The following MICU1 variants were observed in gnomAD, a reference collection of about 807,000 sequenced individuals.
MICU1 encodes calcium uptake protein 1, mitochondrial.
MICU1 carries 45 observed loss-of-function variants against 56.8 expected under a neutral mutation model. That is an observed-to-expected ratio of 0.79 (90% CI 0.62 to 1.02). The LOEUF (loss-of-function observed/expected upper bound fraction) is 1.02, where lower values mean the gene tolerates loss of function less well. Ranked by LOEUF, MICU1 falls within the 50% of genes least tolerant of loss-of-function variation. The pLI, the probability that MICU1 is intolerant of heterozygous loss-of-function variation, is 0.00. For synonymous variants in MICU1, 186 were observed against 195.1 expected, an observed-to-expected ratio of 0.95 and a Z score of 0.39; for missense variants, 504 against 587.1, an observed-to-expected ratio of 0.86 and a Z score of 1.46.
intron 1 of MICU1, among the ~76,000 whole-genome samples, chr10:72,591,904 G>C (rs762695501): frequency 5.3e-5 from 8 of 151,836 alleles, no homozygotes; most frequent in South Asian, 2.1e-4. Flanking sequence ...TCAGCTACTC[G>C]AGAGGCTGAG....
In MICU1 at chr10:72,368,333, CT is replaced by C; in HGVS notation, c.1292del (p.Lys431ArgfsTer7). On this transcript the variant is annotated frameshift_variant, in exon 12 of 12. Transcript: ENST00000361114. LOFTEE classifies it high-confidence loss of function. ...DCDGNGELSNKEFVSIMKQRL... is the reference protein window; with the variant it reads ...DCDGNGELSNXEFVSIMKQRL... Reference sequence around the variant, plus strand: ...GTTGCTTCATGATGGAAACAAATTCCTTATTGCTCAGTTCGCCATTGCCTAG... The same window carrying C: ...GTTGCTTCATGATGGAAACAAATTCCTATTGCTCAGTTCGCCATTGCCTAG... 1 of 1,613,906 alleles carries C rather than the reference CT, an allele frequency of 6.2e-7. No individual in the cohort carries two copies. Among genetic ancestry groups the C allele is most frequent in the Non-Finnish European group, 8.5e-7 (1 of 1,179,808 alleles).
chr10:72,592,783 C>CTTTT (rs1264231748), intron 1 of MICU1, among the ~76,000 whole-genome samples: 1 of 137,652 alleles, frequency 7.3e-6, no homozygotes, highest in Non-Finnish European at 1.6e-5. Flanking sequence ...ACTTTTCTTT[C>CTTTT]TTTTTTTTTT....
chr10:72,488,217 T>C (rs1490972210), intron 6 of MICU1, among the ~76,000 whole-genome samples: 1 of 149,020 alleles, frequency 6.7e-6, no homozygotes, highest in Non-Finnish European at 1.5e-5. Context: ...GAAAAAAAAA[T>C]TAAAAAAAAA....
chr10:72,374,283 C>G (rs1029976178), intron 11 of MICU1, among the ~76,000 whole-genome samples: 1 of 152,094 alleles, frequency 6.6e-6, no homozygotes, highest in African/African-American at 2.4e-5. Flanking sequence ...TGCTACCATG[C>G]CTGGCTAATT....
At chr10:72,428,534 G>T (rs892629808) in intron 8 of MICU1, among the ~76,000 whole-genome samples, 9 of 152,058 alleles carry the variant, frequency 5.9e-5, no homozygotes, top group Non-Finnish European at 1.0e-4. Context: ...GGCTGGTCTC[G>T]AACTCCTGAC....
At position 72,407,968 on chromosome 10, in the gene MICU1, A is replaced by G. The variant is rs1863683020; in HGVS notation, c.1141T>C (p.Leu381=). Residue 381 remains leucine, a synonymous_variant, in exon 10 of 12, where the codon TTG becomes CTG. Transcript: ENST00000361114. The part of the protein sequence containing the change: ...LKNINDVDTA[L]SFYHMAGASL... ...GCTCCAGCCATATGGTAAAAACTCA[A>G]TGCAGTGTCCACATCATTAATGTTC... The G allele has an allele frequency of 1.2e-6, 2 of 1,613,826 alleles. No individual in the cohort carries two copies. Among genetic ancestry groups the G allele is most frequent in the Non-Finnish European group, 8.5e-7 (1 of 1,179,784 alleles).
At chr10:72,569,206 C>CATATATATATATATATAT (rs1211580394) in intron 1 of MICU1, among the ~76,000 whole-genome samples, 1 of 68,078 alleles carries the variant, frequency 1.5e-5, no homozygotes, top group Admixed American at 2.3e-4. Context: ...CATATATATG[C>CATATATATATATATATAT]ATATATATAT....
chr10:72,559,601 G>A (rs1203187780), intron 3 of MICU1, among the ~76,000 whole-genome samples: 4 of 152,062 alleles, frequency 2.6e-5, no homozygotes, highest in South Asian at 4.1e-4. Context: ...CAAGGTGGGA[G>A]GATTGCTTGA....
intron 6 of MICU1, among the ~76,000 whole-genome samples, chr10:72,500,372 G>A (rs1476350373): frequency 1.5e-5 from 2 of 135,540 alleles, no homozygotes; most frequent in African/African-American, 5.7e-5. Flanking sequence ...AGGGTGCAGT[G>A]GCGTGATCTC....
At chr10:72,412,274 G>C (rs990003435) in intron 9 of MICU1, among the ~76,000 whole-genome samples, 1 of 152,182 alleles carries the variant, frequency 6.6e-6, no homozygotes, top group East Asian at 1.9e-4. Flanking sequence ...GGACAAGAAG[G>C]CTACAACTTA....
intron 8 of MICU1, among the ~76,000 whole-genome samples, chr10:72,427,957 A>T (rs578041559): frequency 6.8e-4 from 104 of 152,204 alleles, no homozygotes; most frequent in Non-Finnish European, 1.2e-3. Flanking sequence ...AAGGAAAATG[A>T]TTACAAGGAA....
At chr10:72,542,809 A>T (rs1839806826) in intron 4 of MICU1, among the ~76,000 whole-genome samples, 1 of 152,198 alleles carries the variant, frequency 6.6e-6, no homozygotes, top group African/African-American at 2.4e-5. Context: ...TGTCCAGGAA[A>T]ATTGAGGTCG....
Position 72,586,199 on chromosome 10 carries a change from A to G in MICU1, c.-1-19405T>C, listed in dbSNP as rs187359766. Among the ~76,000 whole-genome samples the G allele has an allele frequency of 6.6e-5, 10 of 151,330 alleles. No individual in the cohort carries two copies. The East Asian group carries it at 1.8e-3, about 27-fold the overall frequency. On this transcript the variant is annotated intron_variant, in intron 1 of 11. Transcript: ENST00000361114. Reference sequence around the variant, plus strand: ...CAGCTAATTTTTATTTTTAGTAGAGATGAGGTCTTGCTATGTTGCTTAAGC... The same window carrying G: ...CAGCTAATTTTTATTTTTAGTAGAGGTGAGGTCTTGCTATGTTGCTTAAGC...
At chr10:72,424,864 A>C (rs1220266021) in intron 8 of MICU1, among the ~76,000 whole-genome samples, 1 of 152,252 alleles carries the variant, frequency 6.6e-6, no homozygotes, top group Admixed American at 6.5e-5. Context: ...AGTCACATTT[A>C]AATGAGACAC....
intron 3 of MICU1, among the ~76,000 whole-genome samples, chr10:72,552,219 A>C (rs1411236809): frequency 6.6e-6 from 1 of 152,230 alleles, no homozygotes. Flanking sequence ...GGAATCACAC[A>C]AGCAAATGTT....
chr10:72,437,625 G>A (rs371890168), intron 8 of MICU1, among the ~76,000 whole-genome samples: 1 of 152,194 alleles, frequency 6.6e-6, no homozygotes, highest in East Asian at 1.9e-4. Context: ...GAGTCAAGAC[G>A]CACCAGTGTG....
chr10:72,567,367 C>T (rs535273789), intron 1 of MICU1, among the ~76,000 whole-genome samples: 1 of 151,944 alleles, frequency 6.6e-6, no homozygotes, highest in Non-Finnish European at 1.5e-5. Flanking sequence ...TTAGTTACAA[C>T]AGGAAATTTA....
At chr10:72,518,161 T>C (rs1443788254) in intron 5 of MICU1, among the ~76,000 whole-genome samples, 2 of 151,890 alleles carry the variant, frequency 1.3e-5, no homozygotes, top group African/African-American at 4.8e-5. Flanking sequence ...GCCTCCTGAG[T>C]AGCTGGGATT....
chr10:72,465,856 C>A (rs1865780207), intron 8 of MICU1, among the ~76,000 whole-genome samples: 1 of 152,100 alleles, frequency 6.6e-6, no homozygotes, highest in Non-Finnish European at 1.5e-5. Flanking sequence ...CCTTTTCCAT[C>A]TTAACTAAGC....
Sources: allele counts gnomAD v4.1 joint callset (sites outside exome capture counted in the v4.1 genomes callset), GRCh38; gene constraint gnomAD v4.1.1; transcripts MANE v1.5; gene names NCBI Gene and HGNC (gene_info 2026-07-23, HGNC 2026-07-21).